The following ZBTB44 variants were observed in gnomAD, a reference collection of about 807,000 sequenced individuals.
ZBTB44 encodes the protein zinc finger and BTB domain-containing protein 44.
In ZBTB44, 15 loss-of-function variants were observed where a neutral mutation model predicts 54.0. The observed-to-expected ratio is 0.28, with a 90% CI of 0.19 to 0.43. The LOEUF is 0.43. ZBTB44 is among the 20% of genes least tolerant of loss of function. The pLI, the probability that ZBTB44 is intolerant of heterozygous loss-of-function variation, is 1.00. For synonymous variants in ZBTB44, 230 were observed against 250.1 expected, an observed-to-expected ratio of 0.92 and a Z score of 0.76; for missense variants, 487 against 707.1, an observed-to-expected ratio of 0.69 and a Z score of 3.53.
At chr11:130,241,618 T>C (rs978152909) in intron 2 of ZBTB44, among the ~76,000 whole-genome samples, 2 of 152,246 alleles carry the variant, frequency 1.3e-5, no homozygotes, top group Non-Finnish European at 2.9e-5. Flanking sequence ...TGGTCAGTGA[T>C]ACATACTACA....
At chr11:130,291,231 C>T (rs576686475) in intron 1 of ZBTB44, among the ~76,000 whole-genome samples, 5 of 152,128 alleles carry the variant, frequency 3.3e-5, no homozygotes, top group Admixed American at 1.3e-4. Flanking sequence ...CTCTGCCTCC[C>T]GGATTCAAGC....
At chr11:130,298,706 G>A (rs921391067) in intron 1 of ZBTB44, among the ~76,000 whole-genome samples, 2 of 149,938 alleles carry the variant, frequency 1.3e-5, no homozygotes, top group African/African-American at 2.5e-5. Context: ...CAGGTTATCC[G>A]CTTGCCTCAG....
In ZBTB44 at chr11:130,296,152, CGAAAAGTTTT is replaced by C. The variant is rs955156923; in HGVS notation, c.-57+18213_-57+18222del. On this transcript the variant is annotated intron_variant, in intron 1 of 7. Coordinates refer to ENST00000357899, the MANE Select transcript of ZBTB44 (RefSeq NM_001301098.2). ...TATGCTCTTTTCTGCCACCCAAACTCGAAAAGTTTTGAAGGTTGGCAAGGATTTCTCTGAA... is the reference window on the plus strand; with the variant it reads ...TATGCTCTTTTCTGCCACCCAAACTCGAAGGTTGGCAAGGATTTCTCTGAA... 3.9e-5 allele frequency: 57 copies of C among 1,445,844 alleles called. No homozygotes were observed. In the African/African-American group the frequency reaches 7.1e-4, roughly 18 times the overall value. 89.6% of individuals were successfully genotyped at this position (1,445,844 alleles called of 1,614,324 possible).
At chr11:130,303,303 T>C (rs1942082191) in intron 1 of ZBTB44, among the ~76,000 whole-genome samples, 1 of 152,084 alleles carries the variant, frequency 6.6e-6, no homozygotes, top group Non-Finnish European at 1.5e-5. Context: ...TAAAAAACTA[T>C]CAAAACCAAA....
intron 1 of ZBTB44, among the ~76,000 whole-genome samples, chr11:130,275,649 G>A (rs1289890277): frequency 1.3e-5 from 2 of 151,258 alleles, no homozygotes; most frequent in African/African-American, 2.4e-5. Flanking sequence ...TTTTTTTTGA[G>A]ACAGAGTCTC....
intron 2 of ZBTB44, among the ~76,000 whole-genome samples, chr11:130,247,847 A>G (rs895142335): frequency 6.6e-6 from 1 of 152,200 alleles, no homozygotes; most frequent in African/African-American, 2.4e-5. Flanking sequence ...ATGGGGTTAG[A>G]AGGACTAGAG....
At chr11:130,313,028 G>T (rs1942713522) in intron 1 of ZBTB44, among the ~76,000 whole-genome samples, 1 of 152,024 alleles carries the variant, frequency 6.6e-6, no homozygotes, top group Non-Finnish European at 1.5e-5. Flanking sequence ...TTCATTGCAT[G>T]AATAACCGAT....
intron 2 of ZBTB44, among the ~76,000 whole-genome samples, chr11:130,260,412 C>G (rs983395333): frequency 6.6e-6 from 1 of 152,218 alleles, no homozygotes; most frequent in Non-Finnish European, 1.5e-5. Flanking sequence ...CTACTTTGTT[C>G]ACACCTCCAG....
intron 2 of ZBTB44, among the ~76,000 whole-genome samples, chr11:130,254,011 C>T (rs1277028326): frequency 6.6e-6 from 1 of 152,106 alleles, no homozygotes; most frequent in African/African-American, 2.4e-5. Context: ...AACTGGCTAG[C>T]CATATGTAGA....
At chr11:130,313,109 ATT>A (rs1942720795) in intron 1 of ZBTB44, among the ~76,000 whole-genome samples, 1 of 152,210 alleles carries the variant, frequency 6.6e-6, no homozygotes, top group Non-Finnish European at 1.5e-5. Flanking sequence ...TTGTACTTCT[ATT>A]GAGAAGTACG....
chr11:130,313,368 A>G (rs142366335), intron 1 of ZBTB44, among the ~76,000 whole-genome samples: 1 of 152,368 alleles, frequency 6.6e-6, no homozygotes, highest in Non-Finnish European at 1.5e-5. Context: ...TAATCAGTAC[A>G]TTACTAATAA....
rs377511344 is a variant in ZBTB44, at chr11:130,266,108, G to A, written c.-56-4179C>T. ...AGGACGGGATGCCTCTCTTGTAAGC[G>A]GCTAATGCAGCTGGTGACTTAACTG... On this transcript the variant is annotated intron_variant, in intron 1 of 7. Transcript: ENST00000357899. Among the ~76,000 whole-genome samples, 8 of 152,304 alleles carry A rather than the reference G, an allele frequency of 5.3e-5. No individual in the cohort carries two copies. The South Asian group carries it at 8.3e-4, about 16-fold the overall frequency.
At chr11:130,249,317 T>C (rs980806290) in intron 2 of ZBTB44, among the ~76,000 whole-genome samples, 7 of 152,332 alleles carry the variant, frequency 4.6e-5, no homozygotes, top group Middle Eastern at 3.4e-3. Flanking sequence ...AATTACTGAC[T>C]CTGGTAGTTT....
intron 1 of ZBTB44, among the ~76,000 whole-genome samples, chr11:130,282,033 GGAGT>G (rs760269185): frequency 3.3e-5 from 5 of 152,156 alleles, no homozygotes; most frequent in South Asian, 2.1e-4. Flanking sequence ...CCTGGGTGAT[GGAGT>G]GAGACCCAAT....
rs1234089945 is a variant in ZBTB44 at position 130,313,964 on chromosome 11, A to ATTTTTTT, written c.-57+410_-57+411insAAAAAAA. ...TGTGTGTGTGTATATATATATATAT[A>ATTTTTTT]TATTTTTTTAAAGAAGTGCCATCTT... is the stretch of plus-strand genomic sequence containing the variant. On this transcript the variant is annotated intron_variant, in intron 1 of 7. Coordinates refer to ENST00000357899, the MANE Select transcript of ZBTB44 (RefSeq NM_001301098.2). Among the ~76,000 whole-genome samples the ATTTTTTT allele has an allele frequency of 2.8e-3, 280 of 99,034 alleles. 2 individuals carry two copies. Among genetic ancestry groups the ATTTTTTT allele is most frequent in the African/African-American group, 9.6e-3 (266 of 27,744 alleles). The allele number at this position is 99,034 out of a possible 152,430, so 65.0% of individuals were successfully genotyped here.
Position 130,230,413 on chromosome 11 carries a change from GTTTTTTTTTT to G in ZBTB44, c.*1341_*1350del, listed in dbSNP as rs60251959. ...GGCAAAGTATTTTAACAAGATGAAA[GTTTTTTTTTT>G]TTTTTTTTTTTGCTAGTTATTAAGA... On this transcript the variant is annotated 3_prime_UTR_variant, in exon 8 of 8. Coordinates refer to ENST00000357899, the MANE Select transcript of ZBTB44 (RefSeq NM_001301098.2). 57 of 105,416 alleles carry G rather than the reference GTTTTTTTTTT, an allele frequency of 5.4e-4. No homozygotes were observed. The highest frequency in any genetic ancestry group is 2.0e-3 in the African/African-American group (55 of 27,454). 6.5% of individuals were successfully genotyped at this position (105,416 alleles called of 1,614,324 possible). A position where few individuals can be genotyped will look rare whatever the true frequency, so the allele number is the denominator to read the frequency against.
Position 130,289,902 on chromosome 11 carries a change from T to G in ZBTB44, c.-57+24473A>C, listed in dbSNP as rs117337552. Among the ~76,000 whole-genome samples the G allele has an allele frequency of 7.8e-3, 1,188 of 152,342 alleles. 6 individuals carry two copies. The highest frequency in any genetic ancestry group is 0.02 in the Middle Eastern group (6 of 294). On this transcript the variant is annotated intron_variant, in intron 1 of 7. Coordinates refer to ENST00000357899, the MANE Select transcript of ZBTB44 (RefSeq NM_001301098.2). ...GTACTTCAGCAGATCCCAAGTGAAT[T>G]CATTATCATCTCTCAAAAATGCATT...
rs988982370 is a variant in ZBTB44 at position 130,231,664 on chromosome 11, CCTT to C, written c.*97_*99del. On this transcript the variant is annotated 3_prime_UTR_variant, in exon 8 of 8. Transcript: ENST00000357899. Reference sequence around the variant, plus strand: ...ACGTTTCTCTTCTTTATTCTTCTTTCCTTCTTTTCTTTTTTCTTTCCTCTTGCT... The same window carrying C: ...ACGTTTCTCTTCTTTATTCTTCTTTCCTTTTCTTTTTTCTTTCCTCTTGCT... The C allele has an allele frequency of 3.3e-5, 5 of 152,126 alleles. No individual in the cohort carries two copies. Among genetic ancestry groups the C allele is most frequent in the Non-Finnish European group, 7.4e-5 (5 of 67,996 alleles). The allele number at this position is 152,126 out of a possible 1,614,324, so 9.4% of individuals were successfully genotyped here.
chr11:130,267,320 G>T (rs1344709979), intron 1 of ZBTB44, among the ~76,000 whole-genome samples: 1 of 152,120 alleles, frequency 6.6e-6, no homozygotes, highest in African/African-American at 2.4e-5. Flanking sequence ...TTGAAGGAAA[G>T]AAGCCATCCT....
Sources: allele counts gnomAD v4.1 joint callset (sites outside exome capture counted in the v4.1 genomes callset), GRCh38; gene constraint gnomAD v4.1.1; transcripts MANE v1.5; gene names NCBI Gene and HGNC (gene_info 2026-07-23, HGNC 2026-07-21).